MAP3K9: variants seen among roughly 807,000 people sequenced by gnomAD.
MAP3K9 encodes mitogen-activated protein kinase kinase kinase 9.
A neutral mutation model predicts 95.8 loss-of-function variants in MAP3K9; 46 were observed. The ratio of observed to expected loss-of-function variants is 0.48; its 90% CI spans 0.38 to 0.61. The LOEUF is 0.61. Ranked by LOEUF, MAP3K9 falls within the 20% of genes least tolerant of loss-of-function variation. The pLI is 0.00. For synonymous variants in MAP3K9, 533 were observed against 593.8 expected (o/e 0.90, Z 1.49); for missense variants, 1,296 against 1,474.3 (o/e 0.88, Z 1.98).
chr14:70,778,276 ATTTTTTT>A (rs71105734), intron 2 of MAP3K9, among the ~76,000 whole-genome samples: 1 of 122,856 alleles, frequency 8.1e-6, no homozygotes, highest in Non-Finnish European at 1.7e-5. Flanking sequence ...ACGCCCAGCT[ATTTTTTT>A]TTTTTTTTTT....
intron 3 of MAP3K9, among the ~76,000 whole-genome samples, chr14:70,753,288 G>A (rs1406616155): frequency 2.0e-5 from 3 of 152,226 alleles, no homozygotes; most frequent in African/African-American, 4.8e-5. Context: ...TGTGTCTGAG[G>A]AGGCTTATGT....
rs565196519 is a variant in MAP3K9 at position 70,798,358 on chromosome 14, A to G, written c.820+2309T>C. 2.0e-5 allele frequency among the ~76,000 whole-genome samples: 3 copies of G among 151,396 alleles called. No homozygotes were observed. In the South Asian group the frequency reaches 6.3e-4, roughly 32 times the overall value. The stretch of plus-strand genomic sequence containing the variant: ...CAGTACTTTGCCTACTTCTCTCAAC[A>G]TGATAAAAATATTAGAAAAAGTAAA... On this transcript the variant is annotated intron_variant, in intron 2 of 11. Transcript: ENST00000554752.
intron 1 of MAP3K9, among the ~76,000 whole-genome samples, chr14:70,805,620 T>G (rs973278950): frequency 1.3e-5 from 2 of 152,370 alleles, no homozygotes; most frequent in Admixed American, 6.5e-5. Flanking sequence ...TCCCCTTCTG[T>G]TTTGAATAAA....
At chr14:70,777,599 A>G (rs2054616770) in intron 2 of MAP3K9, among the ~76,000 whole-genome samples, 1 of 152,210 alleles carries the variant, frequency 6.6e-6, no homozygotes, top group African/African-American at 2.4e-5. Context: ...TGATGCTATT[A>G]AAAGTAGTCA....
intron 3 of MAP3K9, among the ~76,000 whole-genome samples, chr14:70,756,712 T>C (rs968055993): frequency 6.6e-6 from 1 of 152,232 alleles, no homozygotes; most frequent in Non-Finnish European, 1.5e-5. Flanking sequence ...TCAAGGTCAA[T>C]GCACTGAGGG....
chr14:70,732,469 A>T (rs1393591424), intron 11 of MAP3K9, 70 bp downstream of exon 11: 3 of 1,480,460 alleles, frequency 2.0e-6, no homozygotes, highest in East Asian at 4.8e-5. Flanking sequence ...AGAGAAAATG[A>T]GGCCTGCAAA....
In MAP3K9 at chr14:70,730,828, C is replaced by G. The variant is rs1484289390; in HGVS notation, c.2867G>C (p.Gly956Ala). ...LKTPSPSRDP[G>A]EFPRLPDPNV... ...GGGGTCAGGGAGACGGGGGAATTCA[C>G]CTGGGTCTCGGCTGGGACTGGGGGT... The change falls in exon 12 of 12, where the codon GGT (glycine) becomes GCT (alanine). Residue 956 changes from glycine to alanine, a missense_variant. Gly to Ala is a moderately conservative substitution (Grantham distance 60). This residue lies in a region of MAP3K9 where 433 missense variants were observed against 441.4 expected (regional missense o/e 0.98). Coordinates refer to ENST00000554752, the MANE Select transcript of MAP3K9 (RefSeq NM_001284230.2). 5 of 1,611,126 alleles carry G rather than the reference C, an allele frequency of 3.1e-6. No individual in the cohort carries two copies. The South Asian group carries it at 5.5e-5, about 18-fold the overall frequency.
rs2055041096 is a variant in MAP3K9, at chr14:70,809,351, A to G, written c.-180T>C. 2 of 748,214 alleles carry G rather than the reference A, an allele frequency of 2.7e-6. No individual in the cohort carries two copies. The highest frequency in any genetic ancestry group is 3.7e-5 in the African/African-American group (2 of 54,646). 46.3% of individuals were successfully genotyped at this position (748,214 alleles called of 1,614,324 possible). On this transcript the variant is annotated 5_prime_UTR_variant, in exon 1 of 12. Transcript: ENST00000554752. ...CCGGCGCTGTTACCGCGGTACGAGA[A>G]GAGCGCCGAGCGCGAGCTCTTCGCG...
At chr14:70,745,413 T>G (rs767781267) in intron 5 of MAP3K9, among the ~76,000 whole-genome samples, 1 of 152,052 alleles carries the variant, frequency 6.6e-6, no homozygotes. Flanking sequence ...TTGTCTTCCA[T>G]CCCCAGGAGA....
At chr14:70,739,526 A>ACT (rs199833147) in intron 7 of MAP3K9, among the ~76,000 whole-genome samples, 4 of 148,394 alleles carry the variant, frequency 2.7e-5, no homozygotes, top group East Asian at 3.9e-4. Flanking sequence ...ACACACACAC[A>ACT]CTTACATGTA....
At chr14:70,777,809 G>A (rs571459979) in intron 2 of MAP3K9, among the ~76,000 whole-genome samples, 1 of 152,312 alleles carries the variant, frequency 6.6e-6, no homozygotes, top group South Asian at 2.1e-4. Context: ...AAGGGCTAAA[G>A]CCTCTAAGAC....
Position 70,748,928 on chromosome 14 carries a change from A to G in MAP3K9, c.1227T>C (p.Ser409=). The change falls in exon 5 of 12, where the codon TCT becomes TCC. Residue 409 remains serine (S), a synonymous_variant. Transcript: ENST00000554752. ...AGTCCTTGGGCATTTCAAAGAAACC[A>G]GACTCCTCTATGGTGGTTAGCTGGT... The part of the protein sequence containing the change: ...ILDQLTTIEE[S]GFFEMPKDSF... The G allele has an allele frequency of 6.2e-7, 1 of 1,614,110 alleles. No individual in the cohort carries two copies. Among genetic ancestry groups the G allele is most frequent in the Non-Finnish European group, 8.5e-7 (1 of 1,179,968 alleles).
chr14:70,743,004 T>A (rs1321144269), intron 5 of MAP3K9, among the ~76,000 whole-genome samples: 1 of 151,590 alleles, frequency 6.6e-6, no homozygotes, highest in Non-Finnish European at 1.5e-5. Flanking sequence ...TTCTATTTTT[T>A]GAGACAGCAA....
At chr14:70,739,848 T>C in intron 7 of MAP3K9, 194 bp downstream of exon 7, 3 of 1,508,362 alleles carry the variant, frequency 2.0e-6, no homozygotes, top group South Asian at 1.2e-5. Flanking sequence ...GAGGGGGCAG[T>C]AGTAAAGTTA....
At position 70,808,828 on chromosome 14, in the gene MAP3K9, C is replaced by G. The variant is rs549400463; in HGVS notation, c.344G>C (p.Ser115Thr). Reference protein sequence around the residue: ...IFPSNYVTPRSAFSSRCQPGG... With the variant: ...IFPSNYVTPRTAFSSRCQPGG... The stretch of plus-strand genomic sequence containing the variant: ...GGGCTGGCAGCGGCTGGAGAAGGCG[C>G]TGCGCGGGGTCACGTAGTTGCTGGG... Residue 115 changes from serine (S) to threonine (T), a missense_variant, in exon 1 of 12, where the codon AGC becomes ACC. By Grantham distance (58) the Ser-to-Thr change is moderately conservative. This residue lies in a region of MAP3K9 where 338 missense variants were observed against 363.4 expected (regional missense o/e 0.93). Coordinates refer to ENST00000554752, the MANE Select transcript of MAP3K9 (RefSeq NM_001284230.2). 3.8e-5 allele frequency: 61 copies of G among 1,597,822 alleles called. No homozygotes were observed. In the African/African-American group the frequency reaches 7.1e-4, roughly 19 times the overall value.
chr14:70,765,099 C>A (rs1464878351), intron 2 of MAP3K9, among the ~76,000 whole-genome samples: 1 of 152,090 alleles, frequency 6.6e-6, no homozygotes, highest in Non-Finnish European at 1.5e-5. Context: ...GAGGCCGAGG[C>A]AGGAGGATCA....
chr14:70,773,171 T>A (rs527472281), intron 2 of MAP3K9, among the ~76,000 whole-genome samples: 2 of 152,216 alleles, frequency 1.3e-5, no homozygotes, highest in Non-Finnish European at 2.9e-5. Flanking sequence ...AAGCACGTTA[T>A]GCAGAAAGCA....
rs577910168 is a variant in MAP3K9, at chr14:70,743,846, C to T, written c.1327-1255G>A. On this transcript the variant is annotated intron_variant, in intron 5 of 11. Transcript: ENST00000554752. ...GAAATACCATTTGACCCAGCAATCC[C>T]ATTACTGGGTATATACCCAAAGGAT... 3.6e-4 allele frequency among the ~76,000 whole-genome samples: 55 copies of T among 152,296 alleles called. No individual in the cohort carries two copies. The South Asian group carries it at 0.011, about 31-fold the overall frequency.
intron 1 of MAP3K9, among the ~76,000 whole-genome samples, chr14:70,805,870 T>C (rs1410549998): frequency 6.6e-6 from 1 of 152,158 alleles, no homozygotes; most frequent in Admixed American, 6.5e-5. Context: ...AAGGTTGCAA[T>C]GAGCTATGAT....
Sources: allele counts gnomAD v4.1 joint callset (sites outside exome capture counted in the v4.1 genomes callset), GRCh38; gene constraint gnomAD v4.1.1; regional missense constraint gnomAD v4.1.1; transcripts MANE v1.5; gene names NCBI Gene and HGNC (gene_info 2026-07-23, HGNC 2026-07-21).